AGBL4: variants seen among roughly 807,000 people sequenced by gnomAD.
AGBL4 encodes AGBL carboxypeptidase 4.
In AGBL4, 58 loss-of-function variants were observed where a neutral mutation model predicts 66.4. That is an observed-to-expected ratio of 0.87 (90% confidence interval 0.71 to 1.09). The LOEUF (loss-of-function observed/expected upper bound fraction) is 1.09. Ranked by LOEUF, AGBL4 falls within the 50% of genes least tolerant of loss-of-function variation. The pLI is 0.00. For missense variants in AGBL4, 579 were observed against 631.0 expected, an observed-to-expected ratio of 0.92 and a Z score of 0.88; for synonymous variants, 234 against 222.9, an observed-to-expected ratio of 1.05 and a Z score of -0.44.
chr1:49,269,856 G>A (rs1644015846), intron 3 of AGBL4, among the ~76,000 whole-genome samples: 1 of 152,092 alleles, frequency 6.6e-6, no homozygotes, highest in Non-Finnish European at 1.5e-5. Flanking sequence ...ATTTTTCAAA[G>A]AAGCTTTAGA....
At chr1:48,607,314 A>G (rs1645168212) in intron 9 of AGBL4, among the ~76,000 whole-genome samples, 1 of 152,130 alleles carries the variant, frequency 6.6e-6, no homozygotes, top group African/African-American at 2.4e-5. Flanking sequence ...ATCTAACACC[A>G]TCATAGAAAG....
chr1:49,311,409 G>T (rs574385216), intron 3 of AGBL4, among the ~76,000 whole-genome samples: 2 of 152,056 alleles, frequency 1.3e-5, no homozygotes, highest in East Asian at 3.9e-4. Flanking sequence ...CTATTTAAAT[G>T]CCTACAAAAA....
intron 6 of AGBL4, among the ~76,000 whole-genome samples, chr1:48,849,865 T>C (rs1646995256): frequency 6.6e-6 from 1 of 152,026 alleles, no homozygotes; most frequent in South Asian, 2.1e-4. Context: ...CCCAGCTACT[T>C]GGCAGGCTGA....
At chr1:48,548,877 C>G (rs150031056) in intron 11 of AGBL4, among the ~76,000 whole-genome samples, 1 of 152,276 alleles carries the variant, frequency 6.6e-6, no homozygotes, top group African/African-American at 2.4e-5. Flanking sequence ...AGGATTGAAA[C>G]CCATTGATTT....
rs535406269 is a variant in AGBL4, at chr1:48,940,310, G to A, written c.595-73080C>T. Among the ~76,000 whole-genome samples the A allele has an allele frequency of 4.6e-5, 7 of 152,158 alleles. No individual in the cohort carries two copies. The South Asian group carries it at 8.3e-4, about 18-fold the overall frequency. ...GAAGAATTGCTTGAACCCAGGAGGC[G>A]GAGGTTGCAGTGAGCCGAGATCATG... is the stretch of plus-strand genomic sequence containing the variant. On this transcript the variant is annotated intron_variant, in intron 5 of 13. Transcript: ENST00000371839.
intron 6 of AGBL4, among the ~76,000 whole-genome samples, chr1:48,693,547 C>T (rs923407046): frequency 6.6e-6 from 1 of 152,178 alleles, no homozygotes; most frequent in Non-Finnish European, 1.5e-5. Context: ...GGCGTGCTTT[C>T]GTGCAAGGCA....
At chr1:49,424,853 C>T (rs1328894750) in intron 3 of AGBL4, among the ~76,000 whole-genome samples, 1 of 152,078 alleles carries the variant, frequency 6.6e-6, no homozygotes. Context: ...ATGCTCTGTG[C>T]CTGGAGTTGA....
rs555585044 is a variant in AGBL4 at position 49,568,041 on chromosome 1, T to C, written c.282+129272A>G. On this transcript the variant is annotated intron_variant, in intron 3 of 13. Transcript: ENST00000371839. Reference sequence around the variant, plus strand: ...ATTGGCAAAAGCTGGACGAATTCCATTGAAAACCAGCACAAAACAAAGATG... The same window carrying C: ...ATTGGCAAAAGCTGGACGAATTCCACTGAAAACCAGCACAAAACAAAGATG... Among the ~76,000 whole-genome samples, 151 of 152,290 alleles carry C rather than the reference T, an allele frequency of 9.9e-4. 2 individuals carry two copies. The highest frequency in any genetic ancestry group is 2.3e-3 in the Admixed American group (35 of 15,292).
Position 49,952,026 on chromosome 1 carries a change from T to C in AGBL4, c.34+71737A>G, listed in dbSNP as rs1656201197. On this transcript the variant is annotated intron_variant, in intron 1 of 13. Coordinates refer to ENST00000371839, the MANE Select transcript of AGBL4 (RefSeq NM_032785.4). ...GAAGTGATGAATGGGGAGTTATTGT[T>C]TAATGGGTAAAGAGTTTCTGTTTGG... Among the ~76,000 whole-genome samples the C allele has an allele frequency of 2.0e-5, 3 of 152,018 alleles. No homozygotes were observed. The South Asian group carries it at 6.2e-4, about 32-fold the overall frequency.
At chr1:49,957,443 G>A (rs1021831885) in intron 1 of AGBL4, among the ~76,000 whole-genome samples, 5 of 151,750 alleles carry the variant, frequency 3.3e-5, no homozygotes, top group Admixed American at 2.6e-4. Flanking sequence ...TGATCTGTCT[G>A]TTGTTGACAG....
intron 2 of AGBL4, among the ~76,000 whole-genome samples, chr1:49,841,647 A>G (rs1157330906): frequency 1.3e-5 from 2 of 152,168 alleles, no homozygotes; most frequent in African/African-American, 4.8e-5. Context: ...AAACGGACAC[A>G]GAGATCAATG....
At chr1:49,818,952 T>C (rs1177997397) in intron 2 of AGBL4, among the ~76,000 whole-genome samples, 1 of 152,190 alleles carries the variant, frequency 6.6e-6, no homozygotes, top group Non-Finnish European at 1.5e-5. Context: ...GTCCAGGCCT[T>C]TGATTTGACT....
chr1:49,096,313 A>G (rs1645101157), intron 4 of AGBL4, among the ~76,000 whole-genome samples: 1 of 152,122 alleles, frequency 6.6e-6, no homozygotes, highest in African/African-American at 2.4e-5. Flanking sequence ...TAGAAATACC[A>G]TTTGACCCAG....
chr1:49,232,150 G>T (rs915353984), intron 4 of AGBL4, among the ~76,000 whole-genome samples: 2 of 152,024 alleles, frequency 1.3e-5, no homozygotes, highest in Non-Finnish European at 2.9e-5. Flanking sequence ...AAAATTAATT[G>T]CAGTGATGGT....
chr1:49,230,071 G>T (rs1054937799), intron 4 of AGBL4, among the ~76,000 whole-genome samples: 1 of 152,210 alleles, frequency 6.6e-6, no homozygotes, highest in Non-Finnish European at 1.5e-5. Context: ...ACCTGGGTCT[G>T]TCTTCATATC....
chr1:49,183,195 C>T (rs188713053), intron 4 of AGBL4, among the ~76,000 whole-genome samples: 2 of 152,270 alleles, frequency 1.3e-5, no homozygotes, highest in East Asian at 3.9e-4. Flanking sequence ...TGTAGACATT[C>T]CCTCTGTATC....
intron 1 of AGBL4, among the ~76,000 whole-genome samples, chr1:49,986,451 A>T (rs910730837): frequency 7.9e-5 from 12 of 152,178 alleles, no homozygotes; most frequent in East Asian, 3.9e-4. Context: ...TCCACCTATT[A>T]TTTAAAAAAT....
Position 49,844,931 on chromosome 1 carries a change from G to A in AGBL4, c.157+6465C>T. ...GAGCAGTGACAGAGGAATGGGTTTGGGGAAAACAGAAGTCTGAACCCTGAT... is the reference window on the plus strand; with the variant it reads ...GAGCAGTGACAGAGGAATGGGTTTGAGGAAAACAGAAGTCTGAACCCTGAT... On this transcript the variant is annotated intron_variant, in intron 2 of 13. Coordinates refer to ENST00000371839, the MANE Select transcript of AGBL4 (RefSeq NM_032785.4). 6 of 1,365,518 alleles carry A rather than the reference G, an allele frequency of 4.4e-6. 1 individual carries two copies. The South Asian group carries it at 7.1e-5, about 16-fold the overall frequency. The allele number at this position is 1,365,518 out of a possible 1,614,324, so 84.6% of individuals were successfully genotyped here. A position where few individuals can be genotyped will look rare whatever the true frequency, so the allele number is the denominator to read the frequency against.
chr1:48,982,536 C>CT (rs956374213), intron 5 of AGBL4, among the ~76,000 whole-genome samples: 18 of 152,016 alleles, frequency 1.2e-4, no homozygotes, highest in African/African-American at 3.9e-4. Context: ...TCATCATGTC[C>CT]TTTTTTATGG....
Sources: gnomAD v4.1 joint callset for allele counts (sites outside exome capture counted in the v4.1 genomes callset) on GRCh38, gnomAD v4.1.1 for gene constraint, MANE v1.5 for transcripts, NCBI Gene and HGNC (gene_info 2026-07-23, HGNC 2026-07-21) for gene names.